The following CCSER2 variants were observed in gnomAD, a reference collection of about 807,000 sequenced individuals.
CCSER2 encodes the protein coiled-coil serine rich protein 2.
CCSER2 carries 46 observed loss-of-function variants against 92.3 expected under a neutral mutation model. The observed-to-expected ratio is 0.50, with a 90% CI of 0.39 to 0.64. CCSER2 has a LOEUF of 0.64. CCSER2 is among the 30% of genes least tolerant of loss of function. The probability of loss-of-function intolerance (pLI) is 0.00; values close to 1 mark genes in which losing one functional copy is unlikely to be tolerated. For missense variants in CCSER2, 1,244 were observed against 1,238.9 expected (o/e 1.00, Z -0.06); for synonymous variants, 433 against 431.4 (o/e 1.00, Z -0.04).
At chr10:84,432,443 A>T (rs1843830167) in intron 5 of CCSER2, among the ~76,000 whole-genome samples, 1 of 152,146 alleles carries the variant, frequency 6.6e-6, no homozygotes, top group Non-Finnish European at 1.5e-5. Flanking sequence ...CGTCTGTGTT[A>T]CCATTGTTAT....
chr10:84,330,839 G>A (rs986958151), intron 1 of CCSER2, among the ~76,000 whole-genome samples: 4 of 152,126 alleles, frequency 2.6e-5, no homozygotes, highest in Non-Finnish European at 5.9e-5. Context: ...TATGATACAG[G>A]AATAAAAAGG....
At chr10:84,386,740 AAACAC>A (rs960235154) in intron 3 of CCSER2, among the ~76,000 whole-genome samples, 2 of 152,188 alleles carry the variant, frequency 1.3e-5, no homozygotes, top group South Asian at 2.1e-4. Flanking sequence ...CCAGAAAACA[AAACAC>A]AACAACAACA....
At position 84,514,319 on chromosome 10, in the gene CCSER2, A is replaced by G. The variant is rs1039090369; in HGVS notation, c.*52A>G. 1 of 1,277,472 alleles carries G rather than the reference A, an allele frequency of 7.8e-7. No homozygotes were observed. Among genetic ancestry groups the G allele is most frequent in the African/African-American group, 1.5e-5 (1 of 67,350 alleles). The allele number at this position is 1,277,472 out of a possible 1,614,324, so 79.1% of individuals were successfully genotyped here. On this transcript the variant is annotated 3_prime_UTR_variant, in exon 10 of 10. Transcript: ENST00000372088. ...TTTCTTAAAAACAATCTCTTCTGTA[A>G]TAGCTTTATGTGCAGCTTGCAGCTT...
At chr10:84,336,659 CAG>C (rs1843853697) in intron 1 of CCSER2, among the ~76,000 whole-genome samples, 1 of 152,044 alleles carries the variant, frequency 6.6e-6, no homozygotes, top group Non-Finnish European at 1.5e-5. Context: ...TAGATGAGGT[CAG>C]AGAGGTGGGT....
Position 84,507,139 on chromosome 10 carries a change from G to T in CCSER2, c.2326-6310G>T, listed in dbSNP as rs1849100377. ...TTTGTTATGTACAAATATATTAAAT[G>T]AAATAATGAATAATGCCTAGGAAAA... On this transcript the variant is annotated intron_variant, in intron 9 of 9. Coordinates refer to ENST00000372088, the MANE Select transcript of CCSER2 (RefSeq NM_001284240.2). 2.0e-5 allele frequency among the ~76,000 whole-genome samples: 3 copies of T among 152,178 alleles called. No homozygotes were observed. In the South Asian group the frequency reaches 6.2e-4, roughly 32 times the overall value.
intron 1 of CCSER2, among the ~76,000 whole-genome samples, chr10:84,367,765 A>G (rs1232873930): frequency 6.7e-6 from 1 of 148,732 alleles, no homozygotes; most frequent in Admixed American, 6.7e-5. Context: ...CTTAACGCTG[A>G]AGCCTTTCTT....
chr10:84,426,008 C>G, intron 5 of CCSER2, 115 bp downstream of exon 5: 1 of 579,308 alleles, frequency 1.7e-6, no homozygotes, highest in South Asian at 4.7e-5. Flanking sequence ...TTTAGAGGCA[C>G]CAAAAAGCAC....
intron 9 of CCSER2, among the ~76,000 whole-genome samples, chr10:84,495,866 T>A (rs1367372479): frequency 6.6e-6 from 1 of 151,186 alleles, no homozygotes; most frequent in Non-Finnish European, 1.5e-5. Context: ...GTAATCTGCA[T>A]ATAGTTAGGC....
At chr10:84,359,378 A>G (rs1845376821) in intron 1 of CCSER2, among the ~76,000 whole-genome samples, 1 of 152,130 alleles carries the variant, frequency 6.6e-6, no homozygotes, top group African/African-American at 2.4e-5. Flanking sequence ...AGGTTAAACT[A>G]ATTACGATAA....
chr10:84,432,708 G>A (rs1056457451), intron 5 of CCSER2, among the ~76,000 whole-genome samples: 1 of 152,138 alleles, frequency 6.6e-6, no homozygotes, highest in Non-Finnish European at 1.5e-5. Context: ...TTGCAGGACA[G>A]ATTTTCAAAA....
At chr10:84,386,503 G>A (rs1410087201) in intron 3 of CCSER2, among the ~76,000 whole-genome samples, 1 of 152,140 alleles carries the variant, frequency 6.6e-6, no homozygotes, top group African/African-American at 2.4e-5. Context: ...GATCACTTGA[G>A]GCCAGGAGTT....
chr10:84,361,575 G>C (rs11812256), intron 1 of CCSER2, among the ~76,000 whole-genome samples: 31,941 of 151,896 alleles, frequency 0.21, 3,607 homozygotes, highest in Admixed American at 0.34. Context: ...CTGTATTGTT[G>C]CATATAGCAA....
In CCSER2 at chr10:84,371,134, C is replaced by G; in HGVS notation, c.82C>G (p.Gln28Glu). ...AACAAAATCTGTAAGAAGTACATTG[C>G]AGCCAATGCCAAATGGGACACCTGT... ...YGTKSVRSTL[Q>E]PMPNGTPVNL... Residue 28 changes from glutamine (Q) to glutamate (E), a missense_variant, in exon 2 of 10, where the codon CAG becomes GAG. Coordinates refer to ENST00000372088, the MANE Select transcript of CCSER2 (RefSeq NM_001284240.2). The G allele has an allele frequency of 1.2e-6, 2 of 1,613,070 alleles. No individual in the cohort carries two copies. The highest frequency in any genetic ancestry group is 3.3e-5 in the Admixed American group (2 of 59,874).
At chr10:84,458,466 A>G (rs1008989288) in intron 6 of CCSER2, among the ~76,000 whole-genome samples, 1 of 151,730 alleles carries the variant, frequency 6.6e-6, no homozygotes, top group African/African-American at 2.4e-5. Context: ...AAGTAGTGTG[A>G]CTCTTCCAAC....
chr10:84,460,753 G>C (rs952812724), intron 6 of CCSER2, among the ~76,000 whole-genome samples: 2 of 152,054 alleles, frequency 1.3e-5, no homozygotes, highest in African/African-American at 4.8e-5. Context: ...TGTCAAATTT[G>C]TGTGTGTAGA....
At chr10:84,454,876 C>G (rs1845510995) in intron 6 of CCSER2, 2 of 152,816 alleles carry the variant, frequency 1.3e-5, no homozygotes, top group African/African-American at 4.8e-5. Context: ...TGTCCCAACC[C>G]AAATCTCTTC....
At chr10:84,346,614 G>A (rs1031176451) in intron 1 of CCSER2, among the ~76,000 whole-genome samples, 9 of 151,952 alleles carry the variant, frequency 5.9e-5, no homozygotes, top group African/African-American at 2.2e-4. Flanking sequence ...TATATTACAT[G>A]AGAAGAGTAG....
In CCSER2 at chr10:84,513,904, A is replaced by T; in HGVS notation, c.2781A>T (p.Ile927=). The T allele has an allele frequency of 6.5e-7, 1 of 1,536,508 alleles. No individual in the cohort carries two copies. The change falls in exon 10 of 10, where the codon ATA becomes ATT. Residue 927 remains isoleucine, a synonymous_variant. Coordinates refer to ENST00000372088, the MANE Select transcript of CCSER2 (RefSeq NM_001284240.2). ...CCTTGCAGCTTTTAAAGCCATCCAT[A>T]TTGAGTTCTTTGGTACCGCCTCCAG... ...PKSLQLLKPS[I]LSSLVPPPVS... is the part of the protein sequence containing the mutation.
chr10:84,329,910 T>C (rs1843467084), intron 1 of CCSER2, among the ~76,000 whole-genome samples: 1 of 152,240 alleles, frequency 6.6e-6, no homozygotes, highest in Non-Finnish European at 1.5e-5. Context: ...TAAACAACAT[T>C]GGCTTCAAAT....
Sources: gnomAD v4.1 joint callset for allele counts (sites outside exome capture counted in the v4.1 genomes callset) on GRCh38, gnomAD v4.1.1 for gene constraint, MANE v1.5 for transcripts, NCBI Gene and HGNC (gene_info 2026-07-23, HGNC 2026-07-21) for gene names.